Variants in SAFB observed in about 807,000 individuals in gnomAD.
SAFB encodes scaffold attachment factor B, also known as scaffold attachment factor B1.
A neutral mutation model predicts 101.6 loss-of-function variants in SAFB; 15 were observed. The observed-to-expected ratio is 0.15, with a 90% CI of 0.10 to 0.23. SAFB has a LOEUF of 0.23. SAFB is among the 10% of genes least tolerant of loss of function. The probability of loss-of-function intolerance (pLI) is 1.00; values close to 1 mark genes in which losing one functional copy is unlikely to be tolerated. For synonymous variants in SAFB, 449 were observed against 407.5 expected, an observed-to-expected ratio of 1.10 and a Z score of -1.23; for missense variants, 930 against 1,104.1, an observed-to-expected ratio of 0.84 and a Z score of 2.23.
chr19:5,657,999 G>A (rs894386464), intron 14 of SAFB, among the ~76,000 whole-genome samples: 1 of 152,040 alleles, frequency 6.6e-6, no homozygotes, highest in Non-Finnish European at 1.5e-5. Flanking sequence ...CGAGGGCACT[G>A]AGAGGGCTTC....
At chr19:5,650,836 T>C in intron 8 of SAFB, 142 bp from the exon 9 acceptor site, 1 of 595,832 alleles carries the variant, frequency 1.7e-6, no homozygotes, top group Non-Finnish European at 3.0e-6. Context: ...AGGATAGTGG[T>C]CAGGCCCACA....
Position 5,635,264 on chromosome 19 carries a change from C to T in SAFB, c.275-6330C>T, listed in dbSNP as rs114310215. Among the ~76,000 whole-genome samples the T allele has an allele frequency of 3.3e-3, 502 of 152,154 alleles. 6 individuals are homozygous for T. The highest frequency in any genetic ancestry group is 0.012 in the African/African-American group (484 of 41,502). ...AGAAGGCAGCTAACGTGGGGAACTG[C>T]CGTAGCATGGAGTCAAAGATGGAGG... On this transcript the variant is annotated intron_variant, in intron 2 of 20. Coordinates refer to ENST00000588852, the MANE Select transcript of SAFB (RefSeq NM_001201338.2).
intron 13 of SAFB, among the ~76,000 whole-genome samples, chr19:5,655,459 C>CAAA (rs56999816): frequency 1.5e-4 from 8 of 55,144 alleles, no homozygotes; most frequent in African/African-American, 1.7e-4. Context: ...GACCCCATCT[C>CAAA]AAAAAAAAAA....
chr19:5,623,123 C>T lies in SAFB; in HGVS notation c.-83C>T, dbSNP rs1354704154. 7 of 1,374,322 alleles carry T rather than the reference C, an allele frequency of 5.1e-6. No homozygotes were observed. Among genetic ancestry groups the T allele is most frequent in the African/African-American group, 4.4e-5 (3 of 68,078 alleles). The allele number at this position is 1,374,322 out of a possible 1,614,324, so 85.1% of individuals were successfully genotyped here. A position where few individuals can be genotyped will look rare whatever the true frequency, so the allele number is the denominator to read the frequency against. On this transcript the variant is annotated 5_prime_UTR_variant, in exon 1 of 21. Coordinates refer to ENST00000588852, the MANE Select transcript of SAFB (RefSeq NM_001201338.2). Reference sequence around the variant, plus strand: ...TGGGGCGACTGGAGCGGTTCCCTCGCAGGCGGCGCCATTTTGTGCTAGGAG... The same window carrying T: ...TGGGGCGACTGGAGCGGTTCCCTCGTAGGCGGCGCCATTTTGTGCTAGGAG...
At chr19:5,652,376 T>C (rs1429494619) in intron 9 of SAFB, among the ~76,000 whole-genome samples, 1 of 152,128 alleles carries the variant, frequency 6.6e-6, no homozygotes, top group African/African-American at 2.4e-5. Flanking sequence ...TGGGGAAGTG[T>C]TGCCCTGGAG....
intron 2 of SAFB, among the ~76,000 whole-genome samples, chr19:5,628,857 G>A (rs1033447183): frequency 6.6e-6 from 1 of 152,254 alleles, no homozygotes; most frequent in Non-Finnish European, 1.5e-5. Context: ...GCAAAAAACA[G>A]AGCCTGTGGA....
At chr19:5,630,403 G>A (rs1260278754) in intron 2 of SAFB, among the ~76,000 whole-genome samples, 1 of 152,132 alleles carries the variant, frequency 6.6e-6, no homozygotes, top group African/African-American at 2.4e-5. Flanking sequence ...TCGACTTGTG[G>A]TATTTTGATC....
At chr19:5,629,907 T>G (rs951623541) in intron 2 of SAFB, among the ~76,000 whole-genome samples, 2 of 151,864 alleles carry the variant, frequency 1.3e-5, no homozygotes, top group Non-Finnish European at 2.9e-5. Flanking sequence ...CCAGGTGTGG[T>G]GGTGGGCGCC....
intron 2 of SAFB, among the ~76,000 whole-genome samples, chr19:5,638,764 C>T: frequency 6.7e-6 from 1 of 148,340 alleles, no homozygotes; most frequent in Non-Finnish European, 1.5e-5. Context: ...CTCTGTCACC[C>T]AGGCTGGAGT....
chr19:5,653,852 G>T (rs1373693713), intron 11 of SAFB, among the ~76,000 whole-genome samples: 3 of 151,786 alleles, frequency 2.0e-5, no homozygotes, highest in East Asian at 1.9e-4. Flanking sequence ...CCACCTCCCT[G>T]GCTCAACCAA....
intron 2 of SAFB, among the ~76,000 whole-genome samples, chr19:5,639,725 C>A (rs2053665544): frequency 6.6e-6 from 1 of 151,118 alleles, no homozygotes; most frequent in South Asian, 2.1e-4. Flanking sequence ...GAAGTGTACT[C>A]AAAACCTGTA....
At chr19:5,666,925 C>T (rs1599393134) in intron 17 of SAFB, 121 bp from the exon 18 acceptor site, 3 of 778,750 alleles carry the variant, frequency 3.9e-6, no homozygotes, top group African/African-American at 3.4e-5. Flanking sequence ...CCGATACAGC[C>T]TGCCAGCACT....
intron 15 of SAFB, 48 bp downstream of exon 15, chr19:5,661,856 T>A: frequency 7.5e-7 from 1 of 1,331,850 alleles, no homozygotes; most frequent in Non-Finnish European, 1.0e-6. Context: ...AGAATCGTGT[T>A]AGGGACCTCA....
At chr19:5,663,562 A>G (rs2054262717) in intron 15 of SAFB, among the ~76,000 whole-genome samples, 1 of 152,184 alleles carries the variant, frequency 6.6e-6, no homozygotes, top group Non-Finnish European at 1.5e-5. Context: ...CTTTGGTACG[A>G]AATCCTTCTG....
intron 2 of SAFB, among the ~76,000 whole-genome samples, chr19:5,637,185 A>G (rs1048285886): frequency 4.0e-5 from 6 of 150,882 alleles, no homozygotes; most frequent in Admixed American, 4.0e-4. Flanking sequence ...TCTACTAAAA[A>G]TACAAAAAAT....
intron 6 of SAFB, chr19:5,648,362 G>A (rs1352193305): frequency 2.5e-5 from 9 of 365,254 alleles, no homozygotes; most frequent in Non-Finnish European, 3.9e-5. Flanking sequence ...TAATACCTCT[G>A]CACCCACAAA....
At chr19:5,642,677 T>C (rs1388904132) in intron 4 of SAFB, among the ~76,000 whole-genome samples, 18 of 140,256 alleles carry the variant, frequency 1.3e-4, no homozygotes, top group Non-Finnish European at 2.2e-4. Context: ...TTTTTTTTTT[T>C]CTGAGACAGA....
intron 7 of SAFB, 169 bp downstream of exon 7, chr19:5,649,668 A>G (rs888165957): frequency 2.7e-5 from 17 of 627,944 alleles, no homozygotes; most frequent in Non-Finnish European, 4.5e-5. Context: ...GGGTGATTCA[A>G]TTCCTTTTCT....
At chr19:5,659,005 T>TCC (rs1304744402) in intron 14 of SAFB, among the ~76,000 whole-genome samples, 1 of 150,922 alleles carries the variant, frequency 6.6e-6, no homozygotes, top group African/African-American at 2.4e-5. Flanking sequence ...ATTAGCCAGG[T>TCC]ATGGTGGTGC....
Sources: gnomAD v4.1 joint callset for allele counts (sites outside exome capture counted in the v4.1 genomes callset) on GRCh38, gnomAD v4.1.1 for gene constraint, MANE v1.5 for transcripts, NCBI Gene and HGNC (gene_info 2026-07-23, HGNC 2026-07-21) for gene names.